METTL25: variants seen among roughly 807,000 people sequenced by gnomAD.
METTL25 encodes probable methyltransferase-like protein 25.
A neutral mutation model predicts 71.6 loss-of-function variants in METTL25; 64 were observed. That is an observed-to-expected ratio of 0.89 (90% confidence interval 0.73 to 1.10). The LOEUF is 1.10. METTL25 is among the 50% of genes least tolerant of loss of function. The probability of loss-of-function intolerance (pLI) is 0.00; values close to 1 mark genes in which losing one functional copy is unlikely to be tolerated. For missense variants in METTL25, 807 were observed against 707.0 expected (o/e 1.14, Z -1.60); for synonymous variants, 287 against 250.3 (o/e 1.15, Z -1.38).
At chr12:82,397,992 T>C (rs1251235533) in intron 3 of METTL25, among the ~76,000 whole-genome samples, 2 of 152,058 alleles carry the variant, frequency 1.3e-5, no homozygotes, top group African/African-American at 2.4e-5. Flanking sequence ...AATATCTACT[T>C]ATCAATTTCT....
chr12:82,378,308 G>A (rs1884086672), intron 1 of METTL25, among the ~76,000 whole-genome samples: 1 of 152,042 alleles, frequency 6.6e-6, no homozygotes, highest in African/African-American at 2.4e-5. Context: ...CTTGAATAAT[G>A]GCCTGTAAAG....
At chr12:82,458,381 A>G (rs879534673) in intron 9 of METTL25, among the ~76,000 whole-genome samples, 1 of 152,202 alleles carries the variant, frequency 6.6e-6, no homozygotes, top group Admixed American at 6.5e-5. Context: ...AAGTGAGGTC[A>G]CAGGGCAAAC....
At chr12:82,383,347 CTTTG>C (rs10616145) in intron 1 of METTL25, among the ~76,000 whole-genome samples, 139,415 of 151,464 alleles carry the variant, frequency 0.92, 64,523 homozygotes, top group East Asian at 1. Flanking sequence ...GCTTGATTTT[CTTTG>C]TTTGTCCACT....
chr12:82,402,234 A>G (rs1036060309), intron 4 of METTL25, among the ~76,000 whole-genome samples: 2 of 151,986 alleles, frequency 1.3e-5, no homozygotes, highest in African/African-American at 2.4e-5. Flanking sequence ...TGCGGTGTAT[A>G]AACTAAGCTT....
chr12:82,369,441 T>G (rs1340637434), intron 1 of METTL25: 1 of 451,276 alleles, frequency 2.2e-6, no homozygotes, highest in Admixed American at 2.4e-5. Context: ...TTGCGGTGAC[T>G]GTTACAGCTC....
At chr12:82,376,838 G>A (rs540121043) in intron 1 of METTL25, among the ~76,000 whole-genome samples, 137 of 152,052 alleles carry the variant, frequency 9.0e-4, no homozygotes, top group African/African-American at 2.8e-3. Flanking sequence ...TTTATTGGCC[G>A]GGCGCTGTGG....
intron 4 of METTL25, among the ~76,000 whole-genome samples, chr12:82,400,125 C>T (rs1886467374): frequency 6.6e-6 from 1 of 151,878 alleles, no homozygotes. Context: ...AGATTGAGAC[C>T]ATCCTGGCTA....
At chr12:82,404,795 T>C (rs1420517584) in intron 5 of METTL25, among the ~76,000 whole-genome samples, 1 of 151,914 alleles carries the variant, frequency 6.6e-6, no homozygotes, top group Non-Finnish European at 1.5e-5. Context: ...ATACAAAAAA[T>C]TAGCTGGCCA....
At chr12:82,362,689 TTA>T (rs2136796384) in intron 1 of METTL25, among the ~76,000 whole-genome samples, 1 of 152,320 alleles carries the variant, frequency 6.6e-6, no homozygotes, top group South Asian at 2.1e-4. Context: ...ACCGTGTGAT[TTA>T]TGTTTCAAAT....
intron 3 of METTL25, among the ~76,000 whole-genome samples, chr12:82,390,924 ATT>A (rs1370108636): frequency 6.6e-6 from 1 of 152,066 alleles, no homozygotes; most frequent in Non-Finnish European, 1.5e-5. Context: ...GCCAACCTCT[ATT>A]AAGAGCAGTA....
chr12:82,368,819 C>T (rs76633024), intron 1 of METTL25, among the ~76,000 whole-genome samples: 5,012 of 152,188 alleles, frequency 0.033, 93 homozygotes, highest in Admixed American at 0.041. Context: ...GTCTATATAA[C>T]CAGTCAGTGG....
In METTL25 at chr12:82,431,006, C is replaced by T. The variant is rs756498011; in HGVS notation, c.1374+19C>T. ...ATGTTTGGTATGGTTATATTTTTTC[C>T]TGGAGTAACAGCTTTATCCAGATGT... On this transcript the variant is annotated intron_variant, in intron 6 of 11. Coordinates refer to ENST00000248306, the MANE Select transcript of METTL25 (RefSeq NM_032230.3). 1.4e-5 allele frequency: 21 copies of T among 1,484,522 alleles called. No individual in the cohort carries two copies. Among genetic ancestry groups the T allele is most frequent in the Non-Finnish European group, 1.9e-5 (20 of 1,073,532 alleles). 92.0% of individuals were successfully genotyped at this position (1,484,522 alleles called of 1,614,324 possible).
At chr12:82,376,886 C>T (rs909847365) in intron 1 of METTL25, among the ~76,000 whole-genome samples, 5 of 152,088 alleles carry the variant, frequency 3.3e-5, no homozygotes, top group South Asian at 2.1e-4. Context: ...GAGGCCAAGG[C>T]GGGCAGATCA....
chr12:82,421,334 T>C (rs574456502), intron 5 of METTL25, among the ~76,000 whole-genome samples: 5 of 152,092 alleles, frequency 3.3e-5, no homozygotes, highest in Non-Finnish European at 5.9e-5. Context: ...AGGAGATAAA[T>C]AAACAGGAAT....
rs187753688 is a variant in METTL25 at position 82,440,260 on chromosome 12, A to G, written c.1478+1469A>G. Among the ~76,000 whole-genome samples the G allele has an allele frequency of 3.7e-4, 56 of 152,078 alleles. No individual in the cohort carries two copies. In the East Asian group the frequency reaches 7.2e-3, roughly 19 times the overall value. On this transcript the variant is annotated intron_variant, in intron 8 of 11. Transcript: ENST00000248306. ...CTCTTTCTCTTAGGATCCTTACTAC[A>G]AATGACTCTTGAAATATGTAACTAG...
At chr12:82,370,876 CCTT>C (rs1291272376) in intron 1 of METTL25, among the ~76,000 whole-genome samples, 8 of 152,144 alleles carry the variant, frequency 5.3e-5, no homozygotes, top group Non-Finnish European at 8.8e-5. Flanking sequence ...TCTCCTCTCT[CCTT>C]CTTCTTTTTG....
intron 1 of METTL25, among the ~76,000 whole-genome samples, chr12:82,366,800 A>G (rs1477150695): frequency 1.3e-5 from 2 of 152,132 alleles, no homozygotes; most frequent in Non-Finnish European, 2.9e-5. Context: ...TTATTCATTC[A>G]CTTTCCTTAT....
At chr12:82,466,710 C>T (rs1054419646) in intron 9 of METTL25, among the ~76,000 whole-genome samples, 10 of 152,042 alleles carry the variant, frequency 6.6e-5, no homozygotes, top group African/African-American at 2.4e-4. Context: ...CCAACTATTA[C>T]TGGATTGAGG....
rs1197381214 is a variant in METTL25, at chr12:82,461,942, T to TCCTA, written c.1572+5122_1572+5123insCCTA. On this transcript the variant is annotated intron_variant, in intron 9 of 11. Transcript: ENST00000248306. ...TCTTATATATTGTCTCCCACTCTAG[T>TCCTA]TTCTCTTTAGGACTGCATATCTTCC... Among the ~76,000 whole-genome samples, 5 of 152,202 alleles carry TCCTA rather than the reference T, an allele frequency of 3.3e-5. No homozygotes were observed. In the South Asian group the frequency reaches 8.3e-4, roughly 25 times the overall value.
Sources: gnomAD v4.1 joint callset for allele counts (sites outside exome capture counted in the v4.1 genomes callset) on GRCh38, gnomAD v4.1.1 for gene constraint, MANE v1.5 for transcripts, NCBI Gene and HGNC (gene_info 2026-07-23, HGNC 2026-07-21) for gene names.